SLC38A10: variants seen among roughly 807,000 people sequenced by gnomAD.
The protein encoded by SLC38A10 is solute carrier family 38 member 10, also known as Sodium-coupled neutral amino acid transporter 10.
Under a neutral mutation model 81.0 loss-of-function variants are expected in SLC38A10, and 53 were observed. The ratio of observed to expected loss-of-function variants is 0.65; its 90% CI spans 0.53 to 0.82. The LOEUF (loss-of-function observed/expected upper bound fraction) is 0.82, where lower values mean the gene tolerates loss of function less well. Ranked by LOEUF, SLC38A10 falls within the 40% of genes least tolerant of loss-of-function variation. The pLI is 0.00. For synonymous variants in SLC38A10, 665 were observed against 655.3 expected (o/e 1.01, Z -0.23); for missense variants, 1,471 against 1,545.0 (o/e 0.95, Z 0.80).
intron 11 of SLC38A10, among the ~76,000 whole-genome samples, chr17:81,259,105 C>T (rs1372190630): frequency 2.0e-5 from 3 of 152,256 alleles, no homozygotes; most frequent in Admixed American, 6.5e-5. Context: ...GAGATGACAA[C>T]AAGCCCCAGG....
At position 81,276,388 on chromosome 17, in the gene SLC38A10, C is replaced by CT. The variant is rs550850293; in HGVS notation, c.730-238dup. 0.055 allele frequency among the ~76,000 whole-genome samples: 7,859 copies of CT among 142,486 alleles called. 469 individuals carry two copies. The highest frequency in any genetic ancestry group is 0.15 in the African/African-American group (5,806 of 38,762). 93.5% of individuals were successfully genotyped at this position (142,486 alleles called of 152,430 possible). A position where few individuals can be genotyped will look rare whatever the true frequency, so the allele number is the denominator to read the frequency against. ...CATGCCCATTTCTTTCTTTTTCTTT[C>CT]TTTTTTTTTTTTTTTGAGACGGGGT... On this transcript the variant is annotated intron_variant, in intron 7 of 15. Transcript: ENST00000374759. The surrounding 1 kb of genome is among the most constrained non-coding windows in gnomAD (Gnocchi z 4.7).
chr17:81,276,183 G>C lies in SLC38A10; in HGVS notation c.730-32C>G. On this transcript the variant is annotated intron_variant, in intron 7 of 15. Transcript: ENST00000374759. The surrounding 1 kb of genome is among the most constrained non-coding windows in gnomAD (Gnocchi z 4.7). Reference sequence around the variant, plus strand: ...GAGAATAAGAAATGGCAACGTGGCAGACAGACATCCTAGCCGAGTGGCACC... The same window carrying C: ...GAGAATAAGAAATGGCAACGTGGCACACAGACATCCTAGCCGAGTGGCACC... 5 of 1,576,098 alleles carry C rather than the reference G, an allele frequency of 3.2e-6. No individual in the cohort carries two copies. The highest frequency in any genetic ancestry group is 3.5e-6 in the Non-Finnish European group (4 of 1,159,320).
chr17:81,251,746 G>T, intron 13 of SLC38A10, 134 bp from the exon 14 acceptor site: 1 of 949,212 alleles, frequency 1.1e-6, no homozygotes, highest in Non-Finnish European at 1.5e-6. Context: ...CGTCAGCACA[G>T]TTTATATTCA....
At chr17:81,258,453 C>T (rs1418217781) in intron 11 of SLC38A10, among the ~76,000 whole-genome samples, 3 of 152,176 alleles carry the variant, frequency 2.0e-5, no homozygotes, top group Admixed American at 6.5e-5. Flanking sequence ...CGGAGGCCCA[C>T]GGCCCGCACA....
chr17:81,289,875 C>A lies in SLC38A10; in HGVS notation c.100-67G>T. 7.5e-7 allele frequency: 1 copy of A among 1,338,622 alleles called. No individual in the cohort carries two copies. Among genetic ancestry groups the A allele is most frequent in the South Asian group, 1.4e-5 (1 of 71,412 alleles). The allele number at this position is 1,338,622 out of a possible 1,614,324, so 82.9% of individuals were successfully genotyped here. A position where few individuals can be genotyped will look rare whatever the true frequency, so the allele number is the denominator to read the frequency against. On this transcript the variant is annotated intron_variant, in intron 1 of 15. Coordinates refer to ENST00000374759, the MANE Select transcript of SLC38A10 (RefSeq NM_001037984.3). The surrounding 1 kb of genome is among the most constrained non-coding windows in gnomAD (Gnocchi z 5.9). ...GCTCCCCAGAGGCCCTCACCCCACA[C>A]ACGCGGCTCATGAGGACCCTCTTCA...
At position 81,295,007 on chromosome 17, in the gene SLC38A10, TC is replaced by T; in HGVS notation, c.-87del. ...TTGGAAGCCCAGCCCGAGGCCACGG[TC>T]ACAGGTCCCAACGTCCGGGACGCCG... On this transcript the variant is annotated 5_prime_UTR_variant, in exon 1 of 16. Coordinates refer to ENST00000374759, the MANE Select transcript of SLC38A10 (RefSeq NM_001037984.3). The T allele has an allele frequency of 6.9e-7, 1 of 1,452,302 alleles. No homozygotes were observed. The highest frequency in any genetic ancestry group is 9.1e-7 in the Non-Finnish European group (1 of 1,097,702). The allele number at this position is 1,452,302 out of a possible 1,614,324, so 90.0% of individuals were successfully genotyped here.
At chr17:81,282,681 T>A (rs1465147998) in intron 4 of SLC38A10, among the ~76,000 whole-genome samples, 1 of 152,120 alleles carries the variant, frequency 6.6e-6, no homozygotes, top group East Asian at 1.9e-4. Context: ...GACTGCCCTG[T>A]GGGCAGGACG....
In SLC38A10 at chr17:81,246,063, C is replaced by T. The variant is rs375882055; in HGVS notation, c.2853G>A (p.Gln951=). 2.5e-6 allele frequency: 4 copies of T among 1,609,422 alleles called. No homozygotes were observed. The East Asian group carries it at 8.9e-5, about 36-fold the overall frequency. ...LPGGAEGAAA[Q]PQAVLRQPEL... is the part of the protein sequence containing the mutation. ...CCGGCTGGCGTAACACAGCCTGGGG[C>T]TGTGCAGCTGCTCCTTCCGCCCCAC... The change falls in exon 16 of 16, where the codon CAG becomes CAA. Residue 951 remains glutamine, a synonymous_variant. Transcript: ENST00000374759.
chr17:81,267,376 G>T (rs1434904856), intron 10 of SLC38A10, among the ~76,000 whole-genome samples: 1 of 152,148 alleles, frequency 6.6e-6, no homozygotes, highest in Non-Finnish European at 1.5e-5. Flanking sequence ...AAATAATACT[G>T]GAGTGGGGAA....
At chr17:81,267,117 T>A (rs1333905544) in intron 10 of SLC38A10, among the ~76,000 whole-genome samples, 1 of 152,078 alleles carries the variant, frequency 6.6e-6, no homozygotes, top group Non-Finnish European at 1.5e-5. Flanking sequence ...GACCAGCCAA[T>A]AAAGTAAAAC....
Position 81,253,860 on chromosome 17 carries a change from TACC to T in SLC38A10, c.1289-623_1289-621del, listed in dbSNP as rs199788401. Among the ~76,000 whole-genome samples the T allele has an allele frequency of 7.5e-3, 1,110 of 147,824 alleles. 16 individuals are homozygous for T. Among genetic ancestry groups the T allele is most frequent in the African/African-American group, 0.026 (1,048 of 39,924 alleles). The stretch of plus-strand genomic sequence containing the variant: ...CTATCATCACCACCATCTCCATCCC[TACC>T]ACCATCACCATCATCATCACCATCA... On this transcript the variant is annotated intron_variant, in intron 11 of 15. Coordinates refer to ENST00000374759, the MANE Select transcript of SLC38A10 (RefSeq NM_001037984.3). This position sits in a 1 kb window ranked among gnomAD's most constrained non-coding sequence, Gnocchi z 4.1.
chr17:81,247,950 CTTTT>C (rs34228716), intron 14 of SLC38A10, among the ~76,000 whole-genome samples: 1,463 of 73,054 alleles, frequency 0.02, 6 homozygotes, highest in Middle Eastern at 0.068. Context: ...CAAAAGCTGT[CTTTT>C]TTTTTTTTTT....
chr17:81,290,044 C>T (rs2063298509), intron 1 of SLC38A10, among the ~76,000 whole-genome samples: 1 of 152,222 alleles, frequency 6.6e-6, no homozygotes, highest in African/African-American at 2.4e-5. Context: ...ATCTCCTTCC[C>T]AGTCCCCACC....
At position 81,276,133 on chromosome 17, in the gene SLC38A10, C is replaced by G. The variant is rs770620614; in HGVS notation, c.748G>C (p.Val250Leu). Reference sequence around the variant, plus strand: ...CCGGCCGTGGCCTCGGTGAAGCTGACGTAGCCGAAAAACCCCACCTGTTGG... The same window carrying G: ...CCGGCCGTGGCCTCGGTGAAGCTGAGGTAGCCGAAAAACCCCACCTGTTGG... ...FYVMVGFFGY[V>L]SFTEATAGNV... The change falls in exon 8 of 16, where the codon GTC becomes CTC. Residue 250 changes from valine (V) to leucine (L), a missense_variant. Physicochemically the swap from Val to Leu is conservative, Grantham distance 32. Coordinates refer to ENST00000374759, the MANE Select transcript of SLC38A10 (RefSeq NM_001037984.3). This position sits in a 1 kb window ranked among gnomAD's most constrained non-coding sequence, Gnocchi z 4.7. 2 of 1,612,168 alleles carry G rather than the reference C, an allele frequency of 1.2e-6. No homozygotes were observed. The highest frequency in any genetic ancestry group is 1.7e-6 in the Non-Finnish European group (2 of 1,178,916).
intron 5 of SLC38A10, 127 bp downstream of exon 5, chr17:81,282,062 C>G: frequency 7.3e-7 from 1 of 1,370,368 alleles, no homozygotes; most frequent in Non-Finnish European, 1.0e-6. Context: ...CATCCTGCTA[C>G]TTCCAACACA....
At chr17:81,252,155 A>AG in intron 13 of SLC38A10, 40 bp downstream of exon 13, 1 of 1,489,838 alleles carries the variant, frequency 6.7e-7, no homozygotes, top group Non-Finnish European at 8.9e-7. Context: ...CCAGCCCAAG[A>AG]GGGGAGTGTC....
At chr17:81,275,549 C>A (rs537899021) in intron 8 of SLC38A10, among the ~76,000 whole-genome samples, 1 of 151,212 alleles carries the variant, frequency 6.6e-6, no homozygotes. Context: ...CTGGCTAACA[C>A]GGTGAAACCC....
At position 81,251,934 on chromosome 17, in the gene SLC38A10, C is replaced by T. The variant is rs184960289; in HGVS notation, c.1945+261G>A. On this transcript the variant is annotated intron_variant, in intron 13 of 15. Coordinates refer to ENST00000374759, the MANE Select transcript of SLC38A10 (RefSeq NM_001037984.3). ...CGCCCCCCGCGCCGCCCCCCGTGTG[C>T]GCCCAGACACACGAGCACAGCGCGG... The T allele has an allele frequency of 1.1e-3, 621 of 565,360 alleles. 5 individuals carry two copies. Among genetic ancestry groups the T allele is most frequent in the African/African-American group, 0.011 (545 of 51,862 alleles). 35.0% of individuals were successfully genotyped at this position (565,360 alleles called of 1,614,324 possible). A position where few individuals can be genotyped will look rare whatever the true frequency, so the allele number is the denominator to read the frequency against.
In SLC38A10 at chr17:81,246,217, G is replaced by A. The variant is rs1205424435; in HGVS notation, c.2699C>T (p.Ala900Val). 6.2e-7 allele frequency: 1 copy of A among 1,612,742 alleles called. No individual in the cohort carries two copies. The highest frequency in any genetic ancestry group is 8.5e-7 in the Non-Finnish European group (1 of 1,179,960). The change falls in exon 16 of 16, where the codon GCA becomes GTA. Residue 900 changes from alanine (A) to valine (V), a missense_variant. Physicochemically the swap from Ala to Val is moderately conservative, Grantham distance 64. This residue lies in a region of SLC38A10 where 751 missense variants were observed against 717.4 expected (regional missense o/e 1.05). Transcript: ENST00000374759. ...CTTCAGAATGCTGGTGCCAGTGGCT[G>A]CCACCTCCTTCCCAGGTTTTTTCCT... is the stretch of plus-strand genomic sequence containing the variant. ...QDRKKPGKEV[A>V]ATGTSILKEA...
Sources: allele counts gnomAD v4.1 joint callset (sites outside exome capture counted in the v4.1 genomes callset), GRCh38; gene constraint gnomAD v4.1.1; regional missense constraint gnomAD v4.1.1; non-coding constraint Gnocchi (gnomAD v3.1); transcripts MANE v1.5; gene names NCBI Gene and HGNC (gene_info 2026-07-23, HGNC 2026-07-21).